The following SPIDR variants were observed in gnomAD, a reference collection of about 807,000 sequenced individuals.
SPIDR encodes scaffold protein involved in DNA repair.
In SPIDR, 93 loss-of-function variants were observed where a neutral mutation model predicts 104.6. The observed-to-expected ratio is 0.89, with a 90% CI of 0.75 to 1.06. SPIDR has a LOEUF of 1.06. Ranked by LOEUF, SPIDR falls within the 50% of genes least tolerant of loss-of-function variation. The pLI, the probability that SPIDR is intolerant of heterozygous loss-of-function variation, is 0.00. For synonymous variants in SPIDR, 431 were observed against 416.9 expected, an observed-to-expected ratio of 1.03 and a Z score of -0.41; for missense variants, 1,154 against 1,111.2, an observed-to-expected ratio of 1.04 and a Z score of -0.55.
At chr8:47,437,005 C>T (rs2068450850) in intron 7 of SPIDR, among the ~76,000 whole-genome samples, 1 of 152,192 alleles carries the variant, frequency 6.6e-6, no homozygotes, top group African/African-American at 2.4e-5. Flanking sequence ...TGATAGCCAA[C>T]ATCATAAAAT....
At chr8:47,346,937 TTG>T (rs1410591026) in intron 5 of SPIDR, among the ~76,000 whole-genome samples, 1 of 152,184 alleles carries the variant, frequency 6.6e-6, no homozygotes, top group African/African-American at 2.4e-5. Context: ...AAGGGTTTTT[TTG>T]TGTCTCTGTC....
chr8:47,334,654 A>G (rs1341552614), intron 5 of SPIDR, among the ~76,000 whole-genome samples: 1 of 152,202 alleles, frequency 6.6e-6, no homozygotes, highest in African/African-American at 2.4e-5. Context: ...GTATCTTTAC[A>G]TATGAAGTGA....
At chr8:47,565,923 T>C (rs2057730234) in intron 8 of SPIDR, among the ~76,000 whole-genome samples, 1 of 138,622 alleles carries the variant, frequency 7.2e-6, no homozygotes. Context: ...ATAACCACCA[T>C]ATACCAGGTA....
chr8:47,567,780 C>CTTTTT (rs35199139), intron 8 of SPIDR, among the ~76,000 whole-genome samples: 693 of 70,268 alleles, frequency 9.9e-3, no homozygotes, highest in Middle Eastern at 0.012. Flanking sequence ...TTTTCTTTTT[C>CTTTTT]TTTTTTTTTT....
intron 6 of SPIDR, among the ~76,000 whole-genome samples, chr8:47,402,236 C>T (rs1053326250): frequency 2.6e-5 from 4 of 152,064 alleles, no homozygotes; most frequent in African/African-American, 7.2e-5. Flanking sequence ...GCACTAAATG[C>T]CCACAAGAGA....
At chr8:47,499,846 T>G (rs201733030) in intron 8 of SPIDR, among the ~76,000 whole-genome samples, 1 of 149,404 alleles carries the variant, frequency 6.7e-6, no homozygotes, top group Non-Finnish European at 1.5e-5. Flanking sequence ...CCTGTGTCCA[T>G]GTGTTCTCAT....
chr8:47,609,701 G>T (rs767071057), intron 10 of SPIDR, among the ~76,000 whole-genome samples: 10 of 151,968 alleles, frequency 6.6e-5, no homozygotes, highest in Non-Finnish European at 8.8e-5. Context: ...TAGAGTTAGA[G>T]GTGTAAATAA....
chr8:47,694,640 G>A (rs563326318), intron 11 of SPIDR, among the ~76,000 whole-genome samples: 1 of 152,180 alleles, frequency 6.6e-6, no homozygotes, highest in Non-Finnish European at 1.5e-5. Context: ...GAATGGTGGT[G>A]CACACCTGTA....
At chr8:47,288,057 T>C (rs1554564461) in intron 3 of SPIDR, among the ~76,000 whole-genome samples, 2,045 of 152,280 alleles carry the variant, frequency 0.013, 51 homozygotes, top group African/African-American at 0.046. Context: ...TTTATGTTCC[T>C]CTGCGGTGGC....
At chr8:47,272,128 C>T (rs968668773) in intron 1 of SPIDR, among the ~76,000 whole-genome samples, 2 of 152,018 alleles carry the variant, frequency 1.3e-5, no homozygotes, top group East Asian at 1.9e-4. Flanking sequence ...CCACCACACC[C>T]GGCTAGTTTT....
chr8:47,524,822 A>G lies in SPIDR; in HGVS notation c.1098-70989A>G, dbSNP rs186657709. On this transcript the variant is annotated intron_variant, in intron 8 of 19. Transcript: ENST00000297423. Reference sequence around the variant, plus strand: ...TAAAAGTTTAATACTCAGTATTCAAAGGAGAAAGAGTGGAGCTAACACTTT... The same window carrying G: ...TAAAAGTTTAATACTCAGTATTCAAGGGAGAAAGAGTGGAGCTAACACTTT... Among the ~76,000 whole-genome samples the G allele has an allele frequency of 6.5e-3, 991 of 152,364 alleles. 5 individuals carry two copies. Among genetic ancestry groups the G allele is most frequent in the Non-Finnish European group, 0.01 (692 of 68,038 alleles).
chr8:47,440,797 G>C (rs112664057), intron 8 of SPIDR, among the ~76,000 whole-genome samples: 541 of 152,306 alleles, frequency 3.6e-3, no homozygotes, highest in African/African-American at 0.012. Context: ...TCTTGCCCAA[G>C]TGATGTGTTA....
intron 8 of SPIDR, among the ~76,000 whole-genome samples, chr8:47,533,674 C>T (rs1278833807): frequency 2.0e-5 from 3 of 152,190 alleles, no homozygotes; most frequent in African/African-American, 7.2e-5. Flanking sequence ...AAAACCTCAA[C>T]ATCACTGATC....
chr8:47,330,994 A>G (rs2048566907), intron 5 of SPIDR: 1 of 317,724 alleles, frequency 3.1e-6, no homozygotes. Flanking sequence ...CTGTTGCTCC[A>G]TATTCTTGTC....
At chr8:47,335,472 T>C (rs2049517559) in intron 5 of SPIDR, among the ~76,000 whole-genome samples, 1 of 152,174 alleles carries the variant, frequency 6.6e-6, no homozygotes, top group African/African-American at 2.4e-5. Flanking sequence ...CTTTTTGAAA[T>C]GGGAGTCTCG....
chr8:47,299,340 G>T (rs1452568709), intron 5 of SPIDR, among the ~76,000 whole-genome samples: 3 of 152,174 alleles, frequency 2.0e-5, no homozygotes, highest in Non-Finnish European at 2.9e-5. Flanking sequence ...TCAGCTTAAG[G>T]AGATTTTGGG....
intron 1 of SPIDR, among the ~76,000 whole-genome samples, chr8:47,272,201 G>A (rs774011094): frequency 0.011 from 1,618 of 152,168 alleles, 10 homozygotes; most frequent in Non-Finnish European, 0.016. Context: ...TCGTGGCCTC[G>A]GGTGATACAC....
Position 47,261,165 on chromosome 8 carries a change from G to C in SPIDR, c.33+174G>C, listed in dbSNP as rs368489470. 3.8e-3 allele frequency among the ~76,000 whole-genome samples: 577 copies of C among 152,292 alleles called. 3 individuals carry two copies. The highest frequency in any genetic ancestry group is 0.022 in the South Asian group (108 of 4,834). ...GCGTGGAGCAAGCCCGCGCAGTGGG[G>C]TACCGCCCCCAGGTCCGGCTCCGGT... On this transcript the variant is annotated intron_variant, in intron 1 of 19. Transcript: ENST00000297423.
intron 5 of SPIDR, among the ~76,000 whole-genome samples, chr8:47,361,817 C>T (rs939858767): frequency 2.6e-5 from 4 of 152,254 alleles, no homozygotes; most frequent in Middle Eastern, 3.4e-3. Flanking sequence ...CAGCCTGAGG[C>T]CAGGCTTTAT....
Sources: allele counts gnomAD v4.1 joint callset (sites outside exome capture counted in the v4.1 genomes callset), GRCh38; gene constraint gnomAD v4.1.1; transcripts MANE v1.5; gene names NCBI Gene and HGNC (gene_info 2026-07-23, HGNC 2026-07-21).